The following CUX1 variants were observed in gnomAD, a reference collection of about 807,000 sequenced individuals.
The protein encoded by CUX1 is cut like homeobox 1.
A neutral mutation model predicts 158.8 loss-of-function variants in CUX1; 31 were observed. The observed-to-expected ratio is 0.20, with a 90% CI of 0.15 to 0.26. CUX1 has a LOEUF of 0.26. Among genes scored for constraint, CUX1 ranks in the 10% least tolerant of loss-of-function variants. CUX1 has a pLI of 1.00. For synonymous variants in CUX1, 879 were observed against 862.1 expected (o/e 1.02, Z -0.34); for missense variants, 1,589 against 2,014.6 (o/e 0.79, Z 4.04).
rs530570725 is a variant in CUX1, at chr7:102,124,483, G to A, written c.674+9210G>A. 5.0e-5 allele frequency among the ~76,000 whole-genome samples: 7 copies of A among 139,210 alleles called. No homozygotes were observed. The South Asian group carries it at 1.4e-3, about 28-fold the overall frequency. The allele number at this position is 139,210 out of a possible 152,430, so 91.3% of individuals were successfully genotyped here. On this transcript the variant is annotated intron_variant, in intron 8 of 23. Coordinates refer to ENST00000292535, the MANE Select transcript of CUX1 (RefSeq NM_181552.4). ...GATGAAGAAAATGTGTAGATCCACA[G>A]TGGAATATGATGGAGCCTTACAAAA...
chr7:102,154,071 G>A (rs1420621219), intron 8 of CUX1: 1 of 152,328 alleles, frequency 6.6e-6, no homozygotes, highest in Non-Finnish European at 1.5e-5. Context: ...GGGAGGCCAA[G>A]GCCAGAGGGT....
At chr7:102,011,991 T>G (rs1818087447) in intron 2 of CUX1, among the ~76,000 whole-genome samples, 2 of 152,052 alleles carry the variant, frequency 1.3e-5, no homozygotes, top group Admixed American at 1.3e-4. Context: ...GTATTTTTAG[T>G]AGAGACGGGG....
intron 22 of CUX1, among the ~76,000 whole-genome samples, chr7:102,237,224 A>G (rs1301400382): frequency 1.3e-5 from 2 of 152,152 alleles, no homozygotes; most frequent in Admixed American, 6.5e-5. Flanking sequence ...TCCCTTGCCT[A>G]AGCTGTTTAT....
upstream of CUX1, among the ~76,000 whole-genome samples, chr7:101,816,393 C>T (rs1791783199): frequency 7.0e-6 from 1 of 143,726 alleles, no homozygotes; most frequent in South Asian, 2.1e-4. Context: ...CCCGGGCGCC[C>T]CCCCGGGCCC....
At chr7:102,051,537 A>G (rs1209655730) in intron 3 of CUX1, among the ~76,000 whole-genome samples, 1 of 151,872 alleles carries the variant, frequency 6.6e-6, no homozygotes, top group Non-Finnish European at 1.5e-5. Context: ...AGTCCCAGCT[A>G]CTTAGGGTAG....
At position 102,248,648 on chromosome 7, in the gene CUX1, C is replaced by T. The variant is rs1554537988; in HGVS notation, c.4124C>T (p.Pro1375Leu). ...CCGCGGCCGGCGGAGCAGACGGAGCCGCCGCCCTCGGGGACCCCGGGCCCG... is the reference window on the plus strand; with the variant it reads ...CCGCGGCCGGCGGAGCAGACGGAGCTGCCGCCCTCGGGGACCCCGGGCCCG... The part of the protein sequence containing the change: ...EVPRPAEQTE[P>L]PPSGTPGPDD... The change falls in exon 24 of 24, where the codon CCG (proline) becomes CTG (leucine). Residue 1375 changes from proline (P) to leucine (L), a missense_variant. By Grantham distance (98) the Pro-to-Leu change is moderately conservative (BLOSUM62 -3). Transcript: ENST00000292535. The surrounding 1 kb of genome is among the most constrained non-coding windows in gnomAD (Gnocchi z 5.8). 2.2e-6 allele frequency: 3 copies of T among 1,373,428 alleles called. No individual in the cohort carries two copies. The highest frequency in any genetic ancestry group is 3.5e-5 in the Admixed American group (1 of 28,552). The allele number at this position is 1,373,428 out of a possible 1,614,324, so 85.1% of individuals were successfully genotyped here.
At chr7:102,258,372 C>T (rs1734729), downstream of CUX1, 37,706 of 162,360 alleles carry the variant, frequency 0.23, 4,723 homozygotes, top group East Asian at 0.5. Context: ...GGTCCTCGGG[C>T]GTGTGGCTTC....
At chr7:101,906,571 C>T (rs1283980191) in intron 1 of CUX1, among the ~76,000 whole-genome samples, 1 of 151,862 alleles carries the variant, frequency 6.6e-6, no homozygotes, top group Admixed American at 6.6e-5. Context: ...GAGCAGGGAA[C>T]GCCAAGCTCA....
At chr7:101,987,617 T>C (rs1162885045) in intron 2 of CUX1, among the ~76,000 whole-genome samples, 1 of 152,214 alleles carries the variant, frequency 6.6e-6, no homozygotes, top group Non-Finnish European at 1.5e-5. Flanking sequence ...CCGCCTGTTC[T>C]CCATCTTCTG....
chr7:102,093,338 A>G (rs1293004270), intron 4 of CUX1, among the ~76,000 whole-genome samples: 2 of 151,910 alleles, frequency 1.3e-5, no homozygotes, highest in Non-Finnish European at 2.9e-5. Flanking sequence ...GGCATGCACC[A>G]CCATGCCCGG....
At chr7:101,927,294 A>G (rs1407967869) in intron 2 of CUX1, among the ~76,000 whole-genome samples, 1 of 152,130 alleles carries the variant, frequency 6.6e-6, no homozygotes, top group Non-Finnish European at 1.5e-5. Flanking sequence ...GTAACCACTC[A>G]CTTACTTTGA....
At chr7:101,870,279 G>A (rs544494635) in intron 1 of CUX1, among the ~76,000 whole-genome samples, 14 of 150,542 alleles carry the variant, frequency 9.3e-5, no homozygotes, top group African/African-American at 3.2e-4. Flanking sequence ...TCAGACTCCT[G>A]AGTATCTAGG....
In CUX1 at chr7:102,124,592, A is replaced by G. The variant is rs536332211; in HGVS notation, c.674+9319A>G. Reference sequence around the variant, plus strand: ...GAAATGAACCAGGCACAGAAAGACGAATACCACAAGATCTCACTCATGTAA... The same window carrying G: ...GAAATGAACCAGGCACAGAAAGACGGATACCACAAGATCTCACTCATGTAA... On this transcript the variant is annotated intron_variant, in intron 8 of 23. Transcript: ENST00000292535. 2.6e-5 allele frequency among the ~76,000 whole-genome samples: 4 copies of G among 152,322 alleles called. No homozygotes were observed. In the South Asian group the frequency reaches 8.3e-4, roughly 32 times the overall value.
intron 2 of CUX1, among the ~76,000 whole-genome samples, chr7:101,922,177 C>T (rs151168911): frequency 5.5e-4 from 84 of 152,272 alleles, no homozygotes; most frequent in African/African-American, 1.9e-3. Flanking sequence ...TATTGAACAC[C>T]TTCCATGTGC....
chr7:102,178,870 C>A (rs947765414), intron 11 of CUX1, among the ~76,000 whole-genome samples: 1 of 152,098 alleles, frequency 6.6e-6, no homozygotes, highest in Non-Finnish European at 1.5e-5. Flanking sequence ...CAGCATTTCC[C>A]TCTTTTTTTT....
intron 23 of CUX1, among the ~76,000 whole-genome samples, chr7:102,247,290 C>A (rs1800910167): frequency 6.6e-6 from 1 of 152,104 alleles, no homozygotes; most frequent in Non-Finnish European, 1.5e-5. Flanking sequence ...CCCAACCTGA[C>A]CTTCTGTGGC....
Position 102,257,683 on chromosome 7 carries a change from A to G in CUX1, c.*8641A>G. 1 of 985,352 alleles carries G rather than the reference A, an allele frequency of 1.0e-6. No homozygotes were observed. Among genetic ancestry groups the G allele is most frequent in the Non-Finnish European group, 1.2e-6 (1 of 829,932 alleles). 61.0% of individuals were successfully genotyped at this position (985,352 alleles called of 1,614,324 possible). ...CTCACAGGGTGGCGGAATCTTCCGG[A>G]AAACTCTCTATAAGCTCAGCTCCCC... is the stretch of plus-strand genomic sequence containing the variant. On this transcript the variant is annotated 3_prime_UTR_variant, in exon 24 of 24. Transcript: ENST00000292535.
At chr7:101,999,180 A>G (rs1486957020) in intron 2 of CUX1, among the ~76,000 whole-genome samples, 1 of 134,418 alleles carries the variant, frequency 7.4e-6, no homozygotes, top group East Asian at 2.6e-4. Flanking sequence ...TCCACTCTCT[A>G]GGGATTTTTA....
At chr7:101,990,362 TTTTG>T (rs139077977) in intron 2 of CUX1, among the ~76,000 whole-genome samples, 35,998 of 150,412 alleles carry the variant, frequency 0.24, 4,444 homozygotes, top group Non-Finnish European at 0.27. Context: ...ACCCCATCTC[TTTTG>T]TTTGTTTGTT....
Sources: allele counts gnomAD v4.1 joint callset (sites outside exome capture counted in the v4.1 genomes callset), GRCh38; gene constraint gnomAD v4.1.1; non-coding constraint Gnocchi (gnomAD v3.1); transcripts MANE v1.5; gene names NCBI Gene and HGNC (gene_info 2026-07-23, HGNC 2026-07-21).